DLGAP2: variants seen among roughly 807,000 people sequenced by gnomAD.
DLGAP2 encodes disks large-associated protein 2.
DLGAP2 carries 26 observed loss-of-function variants against 100.3 expected under a neutral mutation model. That is an observed-to-expected ratio of 0.26 (90% CI 0.19 to 0.36). DLGAP2 has a LOEUF of 0.36. Among genes scored for constraint, DLGAP2 ranks in the 10% least tolerant of loss-of-function variants. The pLI is 1.00. For synonymous variants in DLGAP2, 886 were observed against 630.1 expected (o/e 1.41, Z -6.08); for missense variants, 1,858 against 1,453.2 (o/e 1.28, Z -4.53).
intron 2 of DLGAP2, among the ~76,000 whole-genome samples, chr8:1,214,829 T>A (rs902784877): frequency 2.6e-5 from 4 of 152,266 alleles, no homozygotes; most frequent in Non-Finnish European, 5.9e-5. Flanking sequence ...TAACATTCTT[T>A]AATGAATTAA....
In DLGAP2 at chr8:1,093,270, C is replaced by T. The variant is rs141183721; in HGVS notation, c.74-165581C>T. Among the ~76,000 whole-genome samples, 66 of 151,962 alleles carry T rather than the reference C, an allele frequency of 4.3e-4. 1 individual carries two copies. The highest frequency in any genetic ancestry group is 3.4e-3 in the Middle Eastern group (1 of 294). ...TCACACCCGCAGCCAGAAACACCTT[C>T]ACACCCACAGCCAGAAACACCTTCA... On this transcript the variant is annotated intron_variant, in intron 2 of 14. Transcript: ENST00000637795.
At chr8:1,108,373 A>C (rs1804843286) in intron 2 of DLGAP2, among the ~76,000 whole-genome samples, 1 of 152,214 alleles carries the variant, frequency 6.6e-6, no homozygotes, top group African/African-American at 2.4e-5. Context: ...AGCAGCCTTC[A>C]TGCTTGTTTG....
intron 1 of DLGAP2, among the ~76,000 whole-genome samples, chr8:849,941 G>A (rs912574116): frequency 7.2e-5 from 11 of 151,858 alleles, no homozygotes; most frequent in Non-Finnish European, 1.6e-4. Context: ...CTGTGGGCCT[G>A]TAATTCCAGC....
chr8:739,490 G>A (rs1820427515), intron 1 of DLGAP2: 1 of 152,290 alleles, frequency 6.6e-6, no homozygotes, highest in African/African-American at 2.4e-5. Flanking sequence ...GCGCACCTTG[G>A]AAGGCGCATT....
intron 3 of DLGAP2, among the ~76,000 whole-genome samples, chr8:1,459,393 G>A (rs965423433): frequency 2.0e-5 from 3 of 152,176 alleles, no homozygotes; most frequent in Non-Finnish European, 4.4e-5. Flanking sequence ...TATTTTAAGC[G>A]CCACGTTCAG....
chr8:1,219,824 C>G (rs1331455707), intron 2 of DLGAP2, among the ~76,000 whole-genome samples: 25 of 152,044 alleles, frequency 1.6e-4, no homozygotes, highest in Admixed American at 1.6e-3. Context: ...CAGTTTCTTC[C>G]TGGTTCAATC....
chr8:1,364,800 C>A (rs895571866), intron 3 of DLGAP2, among the ~76,000 whole-genome samples: 1 of 152,342 alleles, frequency 6.6e-6, no homozygotes, highest in South Asian at 2.1e-4. Context: ...AGAGGGGACG[C>A]TGTGCATTTA....
chr8:843,033 G>C (rs1353211902), intron 1 of DLGAP2, among the ~76,000 whole-genome samples: 2 of 152,178 alleles, frequency 1.3e-5, no homozygotes, highest in African/African-American at 4.8e-5. Flanking sequence ...TGTACCTCTG[G>C]CGGGCTTTCG....
At chr8:1,077,063 C>T (rs1039341144) in intron 2 of DLGAP2, among the ~76,000 whole-genome samples, 1 of 151,788 alleles carries the variant, frequency 6.6e-6, no homozygotes, top group Admixed American at 6.6e-5. Flanking sequence ...GAGTCTGTCC[C>T]GGGCTCCCCC....
chr8:1,158,413 T>G (rs944380888), intron 2 of DLGAP2, among the ~76,000 whole-genome samples: 2 of 152,210 alleles, frequency 1.3e-5, no homozygotes, highest in Non-Finnish European at 2.9e-5. Flanking sequence ...TGACTTATAT[T>G]TGAGATTGCC....
intron 3 of DLGAP2, among the ~76,000 whole-genome samples, chr8:1,426,815 C>T (rs533631805): frequency 6.6e-5 from 10 of 151,878 alleles, no homozygotes; most frequent in African/African-American, 1.2e-4. Flanking sequence ...GTAAATTAGT[C>T]GTAAAAAAAA....
chr8:1,216,682 T>A (rs1242718556), intron 2 of DLGAP2, among the ~76,000 whole-genome samples: 1 of 152,066 alleles, frequency 6.6e-6, no homozygotes, highest in Non-Finnish European at 1.5e-5. Context: ...AGTTTTTGCC[T>A]TAAACTGCAC....
intron 2 of DLGAP2, among the ~76,000 whole-genome samples, chr8:925,051 A>G (rs1242724490): frequency 6.6e-6 from 1 of 152,132 alleles, no homozygotes; most frequent in Non-Finnish European, 1.5e-5. Context: ...AATTATGTTG[A>G]TAATGGTTAA....
At chr8:1,539,860 T>C (rs1801298347) in intron 4 of DLGAP2, among the ~76,000 whole-genome samples, 1 of 145,502 alleles carries the variant, frequency 6.9e-6, no homozygotes, top group South Asian at 2.1e-4. Flanking sequence ...AGGGCCTCCC[T>C]TCCCTGCCTT....
chr8:1,252,886 C>A (rs1483966726), intron 2 of DLGAP2, among the ~76,000 whole-genome samples: 1 of 152,220 alleles, frequency 6.6e-6, no homozygotes, highest in Non-Finnish European at 1.5e-5. Flanking sequence ...CCCTGTGTCT[C>A]TTAGTCACTG....
chr8:1,099,846 A>G (rs1420286972), intron 2 of DLGAP2, among the ~76,000 whole-genome samples: 5 of 152,246 alleles, frequency 3.3e-5, no homozygotes, highest in Non-Finnish European at 5.9e-5. Flanking sequence ...CTGAATATCC[A>G]TAGACATGCA....
At chr8:1,579,355 A>T (rs2130632133) in intron 6 of DLGAP2, among the ~76,000 whole-genome samples, 1 of 152,270 alleles carries the variant, frequency 6.6e-6, no homozygotes, top group East Asian at 1.9e-4. Context: ...ACATATGTAT[A>T]TGAGTATTCT....
chr8:1,057,601 T>C (rs1168192962), intron 2 of DLGAP2, among the ~76,000 whole-genome samples: 6 of 152,246 alleles, frequency 3.9e-5, no homozygotes, highest in African/African-American at 9.6e-5. Context: ...AAACCTCTAT[T>C]CTAAACACCG....
intron 3 of DLGAP2, among the ~76,000 whole-genome samples, chr8:1,485,511 G>C (rs1799213960): frequency 6.6e-6 from 1 of 152,242 alleles, no homozygotes; most frequent in Admixed American, 6.5e-5. Flanking sequence ...TTTTATAGCA[G>C]ACGCGGTTAA....
Sources: gnomAD v4.1 joint callset for allele counts (sites outside exome capture counted in the v4.1 genomes callset) on GRCh38, gnomAD v4.1.1 for gene constraint, MANE v1.5 for transcripts, NCBI Gene and HGNC (gene_info 2026-07-23, HGNC 2026-07-21) for gene names.